EPC1: variants seen among roughly 807,000 people sequenced by gnomAD.
The protein encoded by EPC1 is enhancer of polycomb 1.
A neutral mutation model predicts 98.4 loss-of-function variants in EPC1; 12 were observed. The observed-to-expected ratio is 0.12, with a 90% CI of 0.08 to 0.20. The LOEUF (loss-of-function observed/expected upper bound fraction) is 0.20, where lower values mean the gene tolerates loss of function less well. Among genes scored for constraint, EPC1 ranks in the 10% least tolerant of loss-of-function variants. The probability of loss-of-function intolerance (pLI) is 1.00; values close to 1 mark genes in which losing one functional copy is unlikely to be tolerated. For missense variants in EPC1, 729 were observed against 990.5 expected (o/e 0.74, Z 3.54); for synonymous variants, 357 against 363.9 (o/e 0.98, Z 0.21).
intron 1 of EPC1, among the ~76,000 whole-genome samples, chr10:32,368,061 C>A (rs1444021440): frequency 6.6e-6 from 1 of 152,220 alleles, no homozygotes. Context: ...ACCTTTTCTA[C>A]TTCTCTTTAC....
At chr10:32,326,240 T>G (rs1255954210) in intron 1 of EPC1, among the ~76,000 whole-genome samples, 1 of 152,192 alleles carries the variant, frequency 6.6e-6, no homozygotes, top group Non-Finnish European at 1.5e-5. Context: ...GATTGTACTT[T>G]CTGGCTGTCG....
intron 1 of EPC1, among the ~76,000 whole-genome samples, chr10:32,327,477 T>C (rs79487858): frequency 0.15 from 23,514 of 152,128 alleles, 2,096 homozygotes; most frequent in South Asian, 0.33. Context: ...AACAAAGAAA[T>C]GATAAATGCT....
At chr10:32,279,334 T>C (rs916628842) in intron 10 of EPC1, among the ~76,000 whole-genome samples, 5 of 146,028 alleles carry the variant, frequency 3.4e-5, no homozygotes, top group African/African-American at 1.0e-4. Flanking sequence ...GGCGACAGAG[T>C]GAGACTCTGT....
At chr10:32,295,924 C>CT (rs781302480) in intron 2 of EPC1, among the ~76,000 whole-genome samples, 5,329 of 142,318 alleles carry the variant, frequency 0.037, 132 homozygotes, top group African/African-American at 0.067. Flanking sequence ...TCTCAATGTT[C>CT]TTTTTTTTTT....
chr10:32,308,134 C>T (rs1433119761), intron 1 of EPC1, among the ~76,000 whole-genome samples: 2 of 152,116 alleles, frequency 1.3e-5, no homozygotes, highest in Non-Finnish European at 2.9e-5. Flanking sequence ...TGCCTGTAAT[C>T]CCAGCACTTT....
intron 10 of EPC1, chr10:32,283,968 G>C (rs1383039388): frequency 6.6e-6 from 1 of 152,144 alleles, no homozygotes; most frequent in African/African-American, 2.4e-5. Flanking sequence ...TAACCCTACA[G>C]GGTGAATTAG....
intron 1 of EPC1, among the ~76,000 whole-genome samples, chr10:32,317,439 C>T (rs1454127853): frequency 1.3e-5 from 2 of 152,016 alleles, no homozygotes; most frequent in African/African-American, 2.4e-5. Context: ...GTCAGGAGTT[C>T]GAGATCAGCC....
intron 2 of EPC1, among the ~76,000 whole-genome samples, chr10:32,299,848 T>C (rs1835388531): frequency 6.6e-6 from 1 of 152,192 alleles, no homozygotes; most frequent in African/African-American, 2.4e-5. Context: ...AAATTTCCTC[T>C]CTTATTGAGC....
In EPC1 at chr10:32,287,209, C is replaced by T. The variant is rs910980069; in HGVS notation, c.1041G>A (p.Ser347=). The change falls in exon 7 of 14, where the codon TCG becomes TCA. Residue 347 remains serine, a synonymous_variant. Transcript: ENST00000319778. The stretch of plus-strand genomic sequence containing the variant: ...TCTGTTGGGGAGTAGCAGCGGCAGA[C>T]GATGGTAAGACTTTGGGCTTCTTTT... The part of the protein sequence containing the change: ...KYEKKPKVLP[S]SAAATPQQTS... 4 of 1,614,042 alleles carry T rather than the reference C, an allele frequency of 2.5e-6. No homozygotes were observed. The highest frequency in any genetic ancestry group is 1.3e-5 in the African/African-American group (1 of 74,986).
At chr10:32,321,203 T>G (rs1266706622) in intron 1 of EPC1, among the ~76,000 whole-genome samples, 1 of 152,182 alleles carries the variant, frequency 6.6e-6, no homozygotes, top group African/African-American at 2.4e-5. Flanking sequence ...ATAGCCACAC[T>G]CATTGGTCTG....
intron 1 of EPC1, among the ~76,000 whole-genome samples, chr10:32,337,530 G>A (rs1021582686): frequency 1.3e-5 from 2 of 152,178 alleles, no homozygotes; most frequent in African/African-American, 4.8e-5. Context: ...TTCAACTGAA[G>A]GAGCTGCCAC....
intron 10 of EPC1, chr10:32,283,106 A>G (rs1245990957): frequency 6.6e-6 from 1 of 152,154 alleles, no homozygotes; most frequent in Non-Finnish European, 1.5e-5. Flanking sequence ...GAGCTGAAAG[A>G]CTTCCATTTC....
rs534135995 is a variant in EPC1, at chr10:32,268,275, A to G, written c.*788T>C. 1.1e-4 allele frequency: 16 copies of G among 152,278 alleles called. No homozygotes were observed. The highest frequency in any genetic ancestry group is 3.9e-4 in the African/African-American group (16 of 41,548). 9.4% of individuals were successfully genotyped at this position (152,278 alleles called of 1,614,324 possible). On this transcript the variant is annotated 3_prime_UTR_variant, in exon 14 of 14. Coordinates refer to ENST00000319778, the MANE Select transcript of EPC1 (RefSeq NM_001272004.3). ...GGGCTGTTCGCAGAGCAGCAACATA[A>G]TATTAGTGCTTTAAGTACCAGAAAC...
intron 3 of EPC1, 152 bp from the exon 4 acceptor site, chr10:32,293,346 T>A: frequency 1.3e-6 from 1 of 748,680 alleles, no homozygotes; most frequent in Non-Finnish European, 2.1e-6. Flanking sequence ...GTCACTGAAC[T>A]AGGGTGCTTT....
chr10:32,374,878 C>T lies in EPC1; in HGVS notation c.3+3613G>A, dbSNP rs115199756. Among the ~76,000 whole-genome samples the T allele has an allele frequency of 8.9e-3, 1,358 of 151,874 alleles. 17 individuals carry two copies. The highest frequency in any genetic ancestry group is 0.031 in the African/African-American group (1,293 of 41,468). On this transcript the variant is annotated intron_variant, in intron 1 of 13. Transcript: ENST00000375110. ...GGAAGATCTAGAATAAACAAACCCC[C>T]GAATAAAAATAGAAACAAATGTTGA...
At chr10:32,332,875 C>T (rs997359884) in intron 1 of EPC1, among the ~76,000 whole-genome samples, 25 of 152,152 alleles carry the variant, frequency 1.6e-4, no homozygotes, top group African/African-American at 5.8e-4. Flanking sequence ...CAGACCATGG[C>T]TCTTAAGGAT....
At chr10:32,322,294 G>T (rs1377103174) in intron 1 of EPC1, among the ~76,000 whole-genome samples, 1 of 151,846 alleles carries the variant, frequency 6.6e-6, no homozygotes, top group Non-Finnish European at 1.5e-5. Flanking sequence ...TTCTATCTTT[G>T]ACACATTTAC....
intron 1 of EPC1, among the ~76,000 whole-genome samples, chr10:32,354,574 A>G (rs943864755): frequency 3.9e-5 from 6 of 152,230 alleles, no homozygotes; most frequent in African/African-American, 1.4e-4. Context: ...TATGTAATCT[A>G]AATAGAATGT....
rs145944827 is a variant in EPC1 at position 32,333,310 on chromosome 10, C to T, written c.153+13453G>A. On this transcript the variant is annotated intron_variant, in intron 1 of 13. Coordinates refer to ENST00000319778, the MANE Select transcript of EPC1 (RefSeq NM_001272004.3). ...AGCCGAGATCGTGCCACAGCCTGGG[C>T]GACAGAGTGAGACTTCGTCTCAAAA... Among the ~76,000 whole-genome samples, 37 of 152,184 alleles carry T rather than the reference C, an allele frequency of 2.4e-4. No individual in the cohort carries two copies. In the East Asian group the frequency reaches 5.0e-3, roughly 21 times the overall value.
Sources: gnomAD v4.1 joint callset for allele counts (sites outside exome capture counted in the v4.1 genomes callset) on GRCh38, gnomAD v4.1.1 for gene constraint, MANE v1.5 for transcripts, NCBI Gene and HGNC (gene_info 2026-07-23, HGNC 2026-07-21) for gene names.